Variants in NBAS observed in about 807,000 individuals in gnomAD.
The protein encoded by NBAS is NBAS subunit of NRZ tethering complex, also known as NAG/BC035112 fusion.
A neutral mutation model predicts 302.5 loss-of-function variants in NBAS; 219 were observed. The ratio of observed to expected loss-of-function variants is 0.72; its 90% CI spans 0.65 to 0.81. The LOEUF is 0.81. NBAS is among the 30% of genes least tolerant of loss of function. The pLI, the probability that NBAS is intolerant of heterozygous loss-of-function variation, is 0.00. For missense variants in NBAS, 2,932 were observed against 2,841.6 expected, an observed-to-expected ratio of 1.03 and a Z score of -0.72; for synonymous variants, 1,118 against 1,021.6, an observed-to-expected ratio of 1.09 and a Z score of -1.80.
chr2:14,887,647 T>G, the NBAS span, among the ~76,000 whole-genome samples: 2 of 152,072 alleles, frequency 1.3e-5, no homozygotes, highest in Admixed American at 6.5e-5. Flanking sequence ...GGTTCACATC[T>G]CTAGAATATA....
chr2:14,964,625 T>C, the NBAS span, among the ~76,000 whole-genome samples: 249 of 152,190 alleles, frequency 1.6e-3, no homozygotes, highest in Non-Finnish European at 2.3e-3. Context: ...CTGTTAATAA[T>C]GGATAAAACA....
At chr2:14,868,004 C>A in the NBAS span, among the ~76,000 whole-genome samples, 1 of 152,190 alleles carries the variant, frequency 6.6e-6, no homozygotes, top group East Asian at 1.9e-4. Flanking sequence ...ACTTCACATT[C>A]TTTATTACTA....
chr2:15,543,645 C>A (rs2148697839), intron 6 of NBAS, among the ~76,000 whole-genome samples: 1 of 152,276 alleles, frequency 6.6e-6, no homozygotes, highest in African/African-American at 2.4e-5. Flanking sequence ...GAGGAAGATG[C>A]AAAAGCAGAA....
At chr2:14,799,187 C>T in the NBAS span, among the ~76,000 whole-genome samples, 1 of 152,018 alleles carries the variant, frequency 6.6e-6, no homozygotes, top group African/African-American at 2.4e-5. Context: ...TAGGCATTTA[C>T]TGTCATAAAT....
rs1182610824 is a variant in NBAS, at chr2:15,190,279, A to G, written c.6557T>C (p.Met2186Thr). ...LVLLLQAWPP[M>T]KSEYVITNNP... ...TAATACTTACACATATTCACTTTTC[A>G]TAGGTGGCCAAGCTTGCAAAAGTAA... The change falls in exon 49 of 52, where the codon ATG (methionine) becomes ACG (threonine). Residue 2186 changes from methionine to threonine, a missense_variant. By Grantham distance (81) the Met-to-Thr change is moderately conservative. Coordinates refer to ENST00000281513, the MANE Select transcript of NBAS (RefSeq NM_015909.4). The G allele has an allele frequency of 6.2e-7, 1 of 1,613,940 alleles. No homozygotes were observed. The highest frequency in any genetic ancestry group is 8.5e-7 in the Non-Finnish European group (1 of 1,179,896).
At chr2:15,102,600 A>G in the NBAS span, among the ~76,000 whole-genome samples, 1 of 152,272 alleles carries the variant, frequency 6.6e-6, no homozygotes. Flanking sequence ...TGTCTAAAAT[A>G]TAGGCACTCA....
chr2:14,845,080 T>C, the NBAS span, among the ~76,000 whole-genome samples: 1 of 152,152 alleles, frequency 6.6e-6, no homozygotes, highest in Non-Finnish European at 1.5e-5. Flanking sequence ...CAGGTAGTGG[T>C]TACAGCAGGC....
intron 38 of NBAS, among the ~76,000 whole-genome samples, chr2:15,314,534 G>T (rs1352994874): frequency 6.6e-6 from 1 of 152,166 alleles, no homozygotes; most frequent in Non-Finnish European, 1.5e-5. Context: ...GTGCCATGCT[G>T]GGCAGGTAAA....
chr2:14,848,270 C>T, the NBAS span, among the ~76,000 whole-genome samples: 570 of 149,474 alleles, frequency 3.8e-3, 2 homozygotes, highest in African/African-American at 5.3e-3. Flanking sequence ...ACCTGGGAAG[C>T]GCAAGGGGTC....
In NBAS at chr2:15,321,904, G is replaced by T. The variant is rs368677917; in HGVS notation, c.4582+5846C>A. ...CCCATTACTGGGTATATACCCCAAG[G>T]ATTATAAATCATGCTACTATAAAGA... On this transcript the variant is annotated intron_variant, in intron 38 of 51. Transcript: ENST00000281513. 6.1e-4 allele frequency among the ~76,000 whole-genome samples: 93 copies of T among 152,228 alleles called. No homozygotes were observed. In the South Asian group the frequency reaches 0.017, roughly 27 times the overall value.
the NBAS span, among the ~76,000 whole-genome samples, chr2:14,895,608 G>A: frequency 1.3e-5 from 2 of 152,154 alleles, no homozygotes; most frequent in East Asian, 1.9e-4. Flanking sequence ...GTGTGGTAGC[G>A]GGCGCCTGTA....
chr2:15,103,449 A>T, the NBAS span, among the ~76,000 whole-genome samples: 2 of 152,116 alleles, frequency 1.3e-5, no homozygotes, highest in African/African-American at 4.8e-5. Flanking sequence ...CTGTTCATTC[A>T]AAAAGTATGC....
At chr2:15,498,452 T>C (rs1327945015) in intron 11 of NBAS, among the ~76,000 whole-genome samples, 11 of 152,152 alleles carry the variant, frequency 7.2e-5, no homozygotes. Context: ...GGCGAGGTTG[T>C]GGAGAAAAAG....
intron 35 of NBAS, among the ~76,000 whole-genome samples, chr2:15,345,226 T>C (rs191957358): frequency 2.8e-4 from 43 of 152,278 alleles, no homozygotes; most frequent in Middle Eastern, 3.4e-3. Context: ...TTGTCTCTGT[T>C]TGCAGACGAC....
intron 47 of NBAS, among the ~76,000 whole-genome samples, chr2:15,227,590 A>G (rs1449777624): frequency 6.6e-6 from 1 of 152,228 alleles, no homozygotes; most frequent in Non-Finnish European, 1.5e-5. Flanking sequence ...AAAATATACA[A>G]CAAAGCTATG....
chr2:15,060,648 C>T, the NBAS span, among the ~76,000 whole-genome samples: 5 of 151,752 alleles, frequency 3.3e-5, no homozygotes, highest in East Asian at 1.9e-4. Flanking sequence ...GACTTCGAGT[C>T]GGGGAGGGGG....
intron 21 of NBAS, among the ~76,000 whole-genome samples, chr2:15,444,794 A>C (rs1345374527): frequency 5.3e-5 from 8 of 152,150 alleles, no homozygotes; most frequent in Admixed American, 5.2e-4. Context: ...CAATGAACTC[A>C]AACAAATTTA....
chr2:15,501,280 C>CA (rs35909962), intron 11 of NBAS, among the ~76,000 whole-genome samples: 10,072 of 121,582 alleles, frequency 0.083, 1,045 homozygotes, highest in African/African-American at 0.26. Context: ...CACTCTGCCT[C>CA]AAAAAAAAAA....
In NBAS at chr2:15,243,444, T is replaced by G. The variant is rs918675252; in HGVS notation, c.5725-4758A>C. On this transcript the variant is annotated intron_variant, in intron 44 of 51. Coordinates refer to ENST00000281513, the MANE Select transcript of NBAS (RefSeq NM_015909.4). ...AGTGACTTTGTGGTACAGGCCCCTTTGCAGTCTTTTATCGGATTAGGTGCA... is the reference window on the plus strand; with the variant it reads ...AGTGACTTTGTGGTACAGGCCCCTTGGCAGTCTTTTATCGGATTAGGTGCA... 8.1e-4 allele frequency among the ~76,000 whole-genome samples: 124 copies of G among 152,206 alleles called. 2 individuals carry two copies. Among genetic ancestry groups the G allele is most frequent in the Non-Finnish European group, 4.4e-5 (3 of 68,000 alleles).
Sources: gnomAD v4.1 joint callset for allele counts (sites outside exome capture counted in the v4.1 genomes callset) on GRCh38, gnomAD v4.1.1 for gene constraint, MANE v1.5 for transcripts, NCBI Gene and HGNC (gene_info 2026-07-23, HGNC 2026-07-21) for gene names.